The following CNTNAP2 variants were observed in gnomAD, a reference collection of about 807,000 sequenced individuals.
The protein encoded by CNTNAP2 is contactin associated protein 2, also known as contactin-associated protein-like 2.
Under a neutral mutation model 155.2 loss-of-function variants are expected in CNTNAP2, and 98 were observed. That is an observed-to-expected ratio of 0.63 (90% CI 0.54 to 0.75). The LOEUF (loss-of-function observed/expected upper bound fraction) is 0.75. CNTNAP2 is among the 30% of genes least tolerant of loss of function. CNTNAP2 has a pLI of 0.00. For synonymous variants in CNTNAP2, 651 were observed against 631.2 expected (o/e 1.03, Z -0.47); for missense variants, 1,727 against 1,688.1 (o/e 1.02, Z -0.40).
At chr7:146,317,762 CAT>C (rs1247574284) in intron 1 of CNTNAP2, among the ~76,000 whole-genome samples, 2 of 152,232 alleles carry the variant, frequency 1.3e-5, no homozygotes, top group African/African-American at 2.4e-5. Context: ...TAACATTACA[CAT>C]GTCATCTTTC....
chr7:147,299,824 G>C (rs1457279318), intron 8 of CNTNAP2, among the ~76,000 whole-genome samples: 3 of 152,162 alleles, frequency 2.0e-5, no homozygotes, highest in Non-Finnish European at 4.4e-5. Context: ...GCTCACGCCT[G>C]TAATCCCAGC....
chr7:147,510,859 A>ATATATATATATATATATATG (rs1417705526), intron 11 of CNTNAP2, among the ~76,000 whole-genome samples: 1 of 140,522 alleles, frequency 7.1e-6, no homozygotes, highest in Non-Finnish European at 1.5e-5. Context: ...CCATATATAT[A>ATATATATATATATATATATG]TATATATATA....
chr7:147,801,333 T>TTTTTTTTTTTTTTTTTA (rs1554436497), intron 13 of CNTNAP2, among the ~76,000 whole-genome samples: 1 of 140,064 alleles, frequency 7.1e-6, no homozygotes, highest in African/African-American at 2.8e-5. Context: ...TTTAATTTTT[T>TTTTTTTTTTTTTTTTTA]TTTTTTTTTA....
chr7:146,610,247 C>G (rs1033935487), intron 1 of CNTNAP2, among the ~76,000 whole-genome samples: 2 of 152,070 alleles, frequency 1.3e-5, no homozygotes, highest in Admixed American at 1.3e-4. Context: ...CTCGTGTAGT[C>G]GTCTCCTAGG....
chr7:146,267,595 A>T (rs1392485782), intron 1 of CNTNAP2, among the ~76,000 whole-genome samples: 1 of 152,160 alleles, frequency 6.6e-6, no homozygotes, highest in Non-Finnish European at 1.5e-5. Context: ...AAGAAGCCCC[A>T]GGGAACTGCG....
intron 1 of CNTNAP2, among the ~76,000 whole-genome samples, chr7:146,468,995 T>C (rs773672336): frequency 1.3e-5 from 2 of 152,190 alleles, no homozygotes; most frequent in Non-Finnish European, 2.9e-5. Flanking sequence ...TTTTCTCTGA[T>C]GTCAAGTAAA....
chr7:147,319,463 T>C (rs1438589888), intron 9 of CNTNAP2, among the ~76,000 whole-genome samples: 2 of 152,112 alleles, frequency 1.3e-5, no homozygotes, highest in Non-Finnish European at 2.9e-5. Context: ...CTGCAACCTC[T>C]GCCTCCCAGG....
intron 8 of CNTNAP2, among the ~76,000 whole-genome samples, chr7:147,197,111 G>T (rs1447942701): frequency 2.0e-5 from 3 of 151,926 alleles, no homozygotes; most frequent in Non-Finnish European, 4.4e-5. Flanking sequence ...TCTCTGATTG[G>T]TTGCTTTCTG....
chr7:147,452,107 G>C (rs1797843095), intron 10 of CNTNAP2, among the ~76,000 whole-genome samples: 1 of 152,196 alleles, frequency 6.6e-6, no homozygotes, highest in Non-Finnish European at 1.5e-5. Context: ...TATAATTCAT[G>C]GGTAGAAAAA....
At chr7:146,406,492 G>A (rs1476281903) in intron 1 of CNTNAP2, among the ~76,000 whole-genome samples, 1 of 152,112 alleles carries the variant, frequency 6.6e-6, no homozygotes, top group Non-Finnish European at 1.5e-5. Flanking sequence ...TCCTGGTGTG[G>A]TTTATTAAAA....
intron 1 of CNTNAP2, among the ~76,000 whole-genome samples, chr7:146,706,908 CTTAAAAG>C (rs1800975308): frequency 7.5e-6 from 1 of 133,620 alleles, no homozygotes; most frequent in South Asian, 2.2e-4. Context: ...TACCCCTGAA[CTTAAAAG>C]TTAAAAAAAA....
chr7:147,430,997 G>A (rs370700279), intron 10 of CNTNAP2, among the ~76,000 whole-genome samples: 4 of 150,848 alleles, frequency 2.7e-5, no homozygotes, highest in Non-Finnish European at 5.9e-5. Context: ...GCAGTAAGCC[G>A]AGATCACGCC....
chr7:148,349,692 C>T (rs563827340), intron 21 of CNTNAP2, among the ~76,000 whole-genome samples: 83 of 152,178 alleles, frequency 5.5e-4, no homozygotes, highest in South Asian at 4.2e-3. Flanking sequence ...TGAGCCACCG[C>T]GCCAGGCCAA....
intron 6 of CNTNAP2, among the ~76,000 whole-genome samples, chr7:147,126,270 C>G (rs1801232770): frequency 1.3e-5 from 2 of 152,102 alleles, no homozygotes; most frequent in African/African-American, 4.8e-5. Context: ...CACTTGAAAG[C>G]TAACAAAATC....
intron 15 of CNTNAP2, among the ~76,000 whole-genome samples, chr7:148,079,799 G>C (rs1339272917): frequency 6.6e-6 from 1 of 152,146 alleles, no homozygotes; most frequent in Non-Finnish European, 1.5e-5. Context: ...TGTTAATGCT[G>C]GTCAGCTGTG....
At chr7:146,997,094 A>G (rs975752611) in intron 3 of CNTNAP2, among the ~76,000 whole-genome samples, 3 of 152,120 alleles carry the variant, frequency 2.0e-5, no homozygotes, top group African/African-American at 7.2e-5. Context: ...ATCCAGTCTC[A>G]GGTATATCTT....
intron 1 of CNTNAP2, among the ~76,000 whole-genome samples, chr7:146,214,601 GTT>G (rs1799085997): frequency 6.6e-6 from 1 of 152,050 alleles, no homozygotes; most frequent in South Asian, 2.1e-4. Context: ...GATCAACACT[GTT>G]ATTTAAAAGA....
intron 3 of CNTNAP2, among the ~76,000 whole-genome samples, chr7:146,877,849 C>T (rs943345258): frequency 3.3e-5 from 5 of 151,984 alleles, no homozygotes; most frequent in Non-Finnish European, 4.4e-5. Flanking sequence ...ACCATGATGA[C>T]AAGTGAAAAC....
At chr7:146,865,580 A>C (rs1403929146) in intron 3 of CNTNAP2, among the ~76,000 whole-genome samples, 4 of 152,158 alleles carry the variant, frequency 2.6e-5, no homozygotes, top group African/African-American at 7.2e-5. Flanking sequence ...ATGGTGTTAG[A>C]AAATGATATC....
Sources: gnomAD v4.1 joint callset for allele counts (sites outside exome capture counted in the v4.1 genomes callset) on GRCh38, gnomAD v4.1.1 for gene constraint, MANE v1.5 for transcripts, NCBI Gene and HGNC (gene_info 2026-07-23, HGNC 2026-07-21) for gene names.